DAB1: variants seen among roughly 807,000 people sequenced by gnomAD.
The protein encoded by DAB1 is disabled homolog 1.
Under a neutral mutation model 64.6 loss-of-function variants are expected in DAB1, and 15 were observed. That is an observed-to-expected ratio of 0.23 (90% CI 0.16 to 0.36). The LOEUF is 0.36. DAB1 is among the 10% of genes least tolerant of loss of function. The pLI is 1.00. For missense variants in DAB1, 596 were observed against 706.7 expected, an observed-to-expected ratio of 0.84 and a Z score of 1.78; for synonymous variants, 235 against 251.9, an observed-to-expected ratio of 0.93 and a Z score of 0.64.
At chr1:57,366,286 T>C (rs1679987947) in intron 1 of DAB1, among the ~76,000 whole-genome samples, 1 of 152,246 alleles carries the variant, frequency 6.6e-6, no homozygotes, top group South Asian at 2.1e-4. Flanking sequence ...GCTACAAATA[T>C]GCTTCCTTCC....
At chr1:57,164,903 T>A (rs1030687343) in intron 2 of DAB1, among the ~76,000 whole-genome samples, 13 of 152,176 alleles carry the variant, frequency 8.5e-5, no homozygotes, top group African/African-American at 2.4e-4. Context: ...TAGAAAACTT[T>A]CACTAATACC....
chr1:58,243,891 A>G (rs927712419), intron 4 of DAB1, among the ~76,000 whole-genome samples: 2 of 152,198 alleles, frequency 1.3e-5, no homozygotes, highest in Admixed American at 6.5e-5. Context: ...TGCAAATACT[A>G]TGTCTTTTTA....
intron 5 of DAB1, among the ~76,000 whole-genome samples, chr1:58,020,848 C>CA (rs1646805064): frequency 6.6e-6 from 1 of 152,042 alleles, no homozygotes; most frequent in Non-Finnish European, 1.5e-5. Context: ...ACTAAAAATA[C>CA]AAAAATTAGC....
intron 5 of DAB1, among the ~76,000 whole-genome samples, chr1:58,039,777 T>C (rs1248867503): frequency 6.6e-6 from 1 of 152,136 alleles, no homozygotes; most frequent in Non-Finnish European, 1.5e-5. Flanking sequence ...TTCTGTCCCA[T>C]TTTTCTCTTC....
At chr1:58,285,447 A>T (rs1661659791) in intron 4 of DAB1, among the ~76,000 whole-genome samples, 1 of 152,198 alleles carries the variant, frequency 6.6e-6, no homozygotes, top group Non-Finnish European at 1.5e-5. Context: ...CTCAGCCCTA[A>T]AGCTTCTTAA....
intron 1 of DAB1, among the ~76,000 whole-genome samples, chr1:57,316,388 C>G (rs1001448819): frequency 2.0e-5 from 3 of 152,118 alleles, no homozygotes; most frequent in Non-Finnish European, 2.9e-5. Flanking sequence ...CTACACTTGA[C>G]AGTCAGGAGC....
At chr1:57,159,799 A>G (rs1435740482) in intron 2 of DAB1, among the ~76,000 whole-genome samples, 2 of 149,944 alleles carry the variant, frequency 1.3e-5, no homozygotes, top group African/African-American at 2.4e-5. Context: ...AAGGAAAGCC[A>G]GGAATCATAG....
intron 5 of DAB1, among the ~76,000 whole-genome samples, chr1:57,938,612 C>T (rs1434919442): frequency 6.6e-6 from 1 of 152,138 alleles, no homozygotes; most frequent in Non-Finnish European, 1.5e-5. Flanking sequence ...CCTGAGGCCT[C>T]CCCAACCATG....
At chr1:57,276,444 AT>A (rs1441027630) in intron 2 of DAB1, among the ~76,000 whole-genome samples, 1 of 152,258 alleles carries the variant, frequency 6.6e-6, no homozygotes, top group Non-Finnish European at 1.5e-5. Context: ...TGAATTACCT[AT>A]TTAACATAGA....
intron 4 of DAB1, among the ~76,000 whole-genome samples, chr1:58,224,662 G>C (rs915167229): frequency 6.6e-6 from 1 of 152,004 alleles, no homozygotes; most frequent in Admixed American, 6.6e-5. Flanking sequence ...CCTCAAAAAG[G>C]GGGCAAGACA....
intron 5 of DAB1, among the ~76,000 whole-genome samples, chr1:58,078,560 T>C (rs1649794491): frequency 6.6e-6 from 1 of 152,132 alleles, no homozygotes; most frequent in African/African-American, 2.4e-5. Context: ...CTGCAGCCTC[T>C]GCTCAAACAA....
At chr1:57,899,022 T>C (rs1482452094) in intron 5 of DAB1, among the ~76,000 whole-genome samples, 1 of 151,200 alleles carries the variant, frequency 6.6e-6, no homozygotes, top group Non-Finnish European at 1.5e-5. Context: ...AATGCAGCTT[T>C]TTTTTTTTAA....
At chr1:57,557,736 C>T (rs180929104) in intron 7 of DAB1, among the ~76,000 whole-genome samples, 10 of 152,168 alleles carry the variant, frequency 6.6e-5, no homozygotes, top group South Asian at 4.2e-4. Flanking sequence ...CCTGATTCAT[C>T]GTTGGTGAGG....
At chr1:58,317,414 C>T (rs1320343682) in intron 4 of DAB1, among the ~76,000 whole-genome samples, 1 of 152,194 alleles carries the variant, frequency 6.6e-6, no homozygotes, top group African/African-American at 2.4e-5. Flanking sequence ...TCTGGGTGAG[C>T]CAGATCTCAT....
chr1:57,194,426 A>G lies in DAB1; in HGVS notation c.68-48997T>C, dbSNP rs150719647. ...CTCAGTAAGTCCTAAATACTTTAATATTAGATGCTTTTCCTGATGCTTCAA... is the reference window on the plus strand; with the variant it reads ...CTCAGTAAGTCCTAAATACTTTAATGTTAGATGCTTTTCCTGATGCTTCAA... On this transcript the variant is annotated intron_variant, in intron 2 of 14. Coordinates refer to ENST00000371236, the MANE Select transcript of DAB1 (RefSeq NM_001365792.1). Among the ~76,000 whole-genome samples, 102 of 152,322 alleles carry G rather than the reference A, an allele frequency of 6.7e-4. 1 individual carries two copies. Among genetic ancestry groups the G allele is most frequent in the African/African-American group, 2.2e-3 (91 of 41,572 alleles).
intron 11 of DAB1, among the ~76,000 whole-genome samples, 177 bp downstream of exon 11, chr1:57,023,354 C>T (rs1277482032): frequency 6.6e-6 from 1 of 152,164 alleles, no homozygotes; most frequent in Non-Finnish European, 1.5e-5. Context: ...CAGTAACATC[C>T]CAGAGCTCTG....
chr1:57,434,349 T>G (rs1444880730), intron 7 of DAB1, among the ~76,000 whole-genome samples: 2 of 152,164 alleles, frequency 1.3e-5, no homozygotes, highest in Non-Finnish European at 2.9e-5. Context: ...GGACAAATCT[T>G]CAAAACATTT....
intron 5 of DAB1, among the ~76,000 whole-genome samples, chr1:58,121,854 CTT>C (rs1382293287): frequency 5.3e-5 from 8 of 152,156 alleles, no homozygotes; most frequent in African/African-American, 1.9e-4. Flanking sequence ...TAATAATACT[CTT>C]CTCACTCCTT....
intron 5 of DAB1, among the ~76,000 whole-genome samples, chr1:57,988,823 C>T (rs929297241): frequency 6.6e-6 from 1 of 152,090 alleles, no homozygotes; most frequent in Non-Finnish European, 1.5e-5. Context: ...TAAAGAAATA[C>T]AAATACTATT....
Sources: allele counts gnomAD v4.1 joint callset (sites outside exome capture counted in the v4.1 genomes callset), GRCh38; gene constraint gnomAD v4.1.1; transcripts MANE v1.5; gene names NCBI Gene and HGNC (gene_info 2026-07-23, HGNC 2026-07-21).